Variants in MELK observed in about 807,000 individuals in gnomAD.
MELK encodes the protein maternal embryonic leucine zipper kinase.
In MELK, 81 loss-of-function variants were observed where a neutral mutation model predicts 85.0. The observed-to-expected ratio is 0.95, with a 90% confidence interval of 0.80 to 1.15. MELK has a LOEUF of 1.15. Among genes scored for constraint, MELK ranks in the 50% most tolerant of loss-of-function variants. The pLI is 0.00. For synonymous variants in MELK, 252 were observed against 265.0 expected, an observed-to-expected ratio of 0.95 and a Z score of 0.48; for missense variants, 754 against 777.5, an observed-to-expected ratio of 0.97 and a Z score of 0.36.
intron 7 of MELK, among the ~76,000 whole-genome samples, chr9:36,601,041 T>C (rs768704343): frequency 2.0e-4 from 30 of 152,262 alleles, no homozygotes; most frequent in Admixed American, 3.3e-4. Context: ...TTTGAATCAT[T>C]TGAGAGTTAG....
chr9:36,658,741 G>A (rs887031527), intron 13 of MELK, among the ~76,000 whole-genome samples: 12 of 151,678 alleles, frequency 7.9e-5, no homozygotes, highest in Non-Finnish European at 1.6e-4. Flanking sequence ...CCGCTGTATC[G>A]CCCAGGCTGG....
intron 4 of MELK, 94 bp from the exon 5 acceptor site, chr9:36,594,534 A>T: frequency 7.1e-7 from 1 of 1,416,610 alleles, no homozygotes; most frequent in Non-Finnish European, 9.7e-7. Flanking sequence ...TCGAATTAAT[A>T]ATATCTCTGA....
chr9:36,653,888 T>C (rs1184030113), intron 12 of MELK, among the ~76,000 whole-genome samples: 1 of 152,200 alleles, frequency 6.6e-6, no homozygotes, highest in Admixed American at 6.5e-5. Context: ...AGATCTCCTT[T>C]TGGTACTCAT....
At chr9:36,660,062 G>A (rs1831639302) in intron 13 of MELK, among the ~76,000 whole-genome samples, 2 of 152,120 alleles carry the variant, frequency 1.3e-5, no homozygotes, top group Admixed American at 1.3e-4. Context: ...GCCTCCCAAA[G>A]TGCTGGGATT....
At chr9:36,579,178 GC>G (rs1212801298) in intron 1 of MELK, among the ~76,000 whole-genome samples, 2 of 152,144 alleles carry the variant, frequency 1.3e-5, no homozygotes, top group Non-Finnish European at 2.9e-5. Flanking sequence ...GAGGCATGTG[GC>G]ACCACACCTG....
intron 8 of MELK, among the ~76,000 whole-genome samples, chr9:36,612,321 C>T (rs1826139300): frequency 6.6e-6 from 1 of 151,406 alleles, no homozygotes; most frequent in African/African-American, 2.4e-5. Flanking sequence ...GTCTCGAACT[C>T]CTGACCTCAA....
chr9:36,636,814 T>TG lies in MELK; in HGVS notation c.834+3614_834+3615insG, dbSNP rs1407780275. ...TGTCTTTCTTTCTTTCTGTCTTTCT[T>TG]TCTTTCTGTCTTTCTTGTCTTTCTT... On this transcript the variant is annotated intron_variant, in intron 10 of 17. Coordinates refer to ENST00000298048, the MANE Select transcript of MELK (RefSeq NM_014791.4). Among the ~76,000 whole-genome samples, 582 of 117,770 alleles carry TG rather than the reference T, an allele frequency of 4.9e-3. 4 individuals carry two copies. The highest frequency in any genetic ancestry group is 0.019 in the African/African-American group (494 of 26,300). The allele number at this position is 117,770 out of a possible 152,430, so 77.3% of individuals were successfully genotyped here. A position where few individuals can be genotyped will look rare whatever the true frequency, so the allele number is the denominator to read the frequency against.
At chr9:36,668,125 C>T (rs60199218) in intron 14 of MELK, among the ~76,000 whole-genome samples, 5,351 of 152,208 alleles carry the variant, frequency 0.035, 303 homozygotes, top group African/African-American at 0.12. Context: ...ATTTCATTTT[C>T]GTCACTCCTA....
intron 8 of MELK, among the ~76,000 whole-genome samples, chr9:36,612,308 C>A (rs756515750): frequency 2.6e-5 from 4 of 152,148 alleles, no homozygotes; most frequent in Non-Finnish European, 4.4e-5. Context: ...GTTGGCCAAG[C>A]TGGTCTCGAA....
chr9:36,652,023 G>A (rs191490266), intron 12 of MELK, 146 bp downstream of exon 12: 2 of 367,620 alleles, frequency 5.4e-6, no homozygotes, highest in East Asian at 6.4e-5. Context: ...AAAATGGGAA[G>A]TTCTGAAGTT....
chr9:36,652,645 G>A (rs917497587), intron 12 of MELK, among the ~76,000 whole-genome samples: 4 of 149,372 alleles, frequency 2.7e-5, no homozygotes, highest in African/African-American at 7.4e-5. Context: ...CAGGAGAATC[G>A]CTTGAACCCG....
At chr9:36,611,427 T>A (rs978599989) in intron 8 of MELK, among the ~76,000 whole-genome samples, 4 of 152,228 alleles carry the variant, frequency 2.6e-5, no homozygotes, top group Non-Finnish European at 5.9e-5. Context: ...GCTATGTCCA[T>A]GTACTCTCTC....
intron 7 of MELK, among the ~76,000 whole-genome samples, chr9:36,602,902 A>T (rs953479703): frequency 3.3e-5 from 5 of 152,142 alleles, no homozygotes; most frequent in African/African-American, 4.8e-5. Flanking sequence ...ATCCCATAAG[A>T]TAAAGAAGAT....
At chr9:36,634,812 T>TCGAG (rs1828966482) in intron 10 of MELK, among the ~76,000 whole-genome samples, 1 of 151,760 alleles carries the variant, frequency 6.6e-6, no homozygotes, top group South Asian at 2.1e-4. Context: ...GCCTGACCAA[T>TCGAG]ATGGTGAAAC....
In MELK at chr9:36,617,825, T is replaced by G. The variant is rs78021440; in HGVS notation, c.666+10152T>G. Among the ~76,000 whole-genome samples, 1,268 of 152,304 alleles carry G rather than the reference T, an allele frequency of 8.3e-3. 21 individuals carry two copies. The highest frequency in any genetic ancestry group is 0.026 in the African/African-American group (1,092 of 41,558). On this transcript the variant is annotated intron_variant, in intron 8 of 17. Coordinates refer to ENST00000298048, the MANE Select transcript of MELK (RefSeq NM_014791.4). Reference sequence around the variant, plus strand: ...TTGCTTTCACATTCTGGATTCTGGATTTTAAAGATCTAATTGTAGACCAGG... The same window carrying G: ...TTGCTTTCACATTCTGGATTCTGGAGTTTAAAGATCTAATTGTAGACCAGG...
At chr9:36,599,815 T>C (rs747679138) in intron 7 of MELK, among the ~76,000 whole-genome samples, 2 of 152,216 alleles carry the variant, frequency 1.3e-5, no homozygotes, top group Non-Finnish European at 2.9e-5. Context: ...GTTTCAGAGA[T>C]GCTGGTTAGC....
chr9:36,628,585 A>G (rs1052080788), intron 8 of MELK, among the ~76,000 whole-genome samples: 3 of 151,220 alleles, frequency 2.0e-5, no homozygotes, highest in African/African-American at 7.3e-5. Context: ...ACGCCCGGCT[A>G]ATTTTTGTAT....
chr9:36,636,718 T>C (rs980981068), intron 10 of MELK, among the ~76,000 whole-genome samples: 1 of 151,230 alleles, frequency 6.6e-6, no homozygotes, highest in African/African-American at 2.4e-5. Context: ...CTTTTTTATG[T>C]AGCAACTGGA....
chr9:36,644,095 C>T (rs1830011582), intron 11 of MELK, among the ~76,000 whole-genome samples: 2 of 152,112 alleles, frequency 1.3e-5, no homozygotes. Context: ...GCAACAGCAG[C>T]GTCACGTCAC....
Sources: allele counts gnomAD v4.1 joint callset (sites outside exome capture counted in the v4.1 genomes callset), GRCh38; gene constraint gnomAD v4.1.1; transcripts MANE v1.5; gene names NCBI Gene and HGNC (gene_info 2026-07-23, HGNC 2026-07-21).